RUFY3: variants seen among roughly 807,000 people sequenced by gnomAD.
RUFY3 encodes the protein RUN and FYVE domain containing 3.
Under a neutral mutation model 84.0 loss-of-function variants are expected in RUFY3, and 34 were observed. That is an observed-to-expected ratio of 0.40 (90% confidence interval 0.31 to 0.54). The LOEUF (loss-of-function observed/expected upper bound fraction) is 0.54, where lower values mean the gene tolerates loss of function less well. Ranked by LOEUF, RUFY3 falls within the 20% of genes least tolerant of loss-of-function variation. The pLI is 0.39. For missense variants in RUFY3, 507 were observed against 736.8 expected, an observed-to-expected ratio of 0.69 and a Z score of 3.61; for synonymous variants, 242 against 252.9, an observed-to-expected ratio of 0.96 and a Z score of 0.41.
chr4:70,704,963 C>A, exon 1 of RUFY3: 1 of 1,227,636 alleles, frequency 8.1e-7, no homozygotes, highest in Non-Finnish European at 1.0e-6. Flanking sequence ...CGCCGCCCAC[C>A]GCTGGTGCCG....
intron 4 of RUFY3, among the ~76,000 whole-genome samples, chr4:70,765,273 G>A (rs950392776): frequency 6.6e-6 from 1 of 150,816 alleles, no homozygotes; most frequent in African/African-American, 2.4e-5. Flanking sequence ...ACAACTGGGA[G>A]AGGCAAAACA....
At chr4:70,773,871 G>A (rs1727395646) in intron 6 of RUFY3, among the ~76,000 whole-genome samples, 1 of 152,068 alleles carries the variant, frequency 6.6e-6, no homozygotes, top group African/African-American at 2.4e-5. Flanking sequence ...TTAAAAACAT[G>A]GTCATTTTGA....
chr4:70,725,643 T>C (rs1293929600), intron 1 of RUFY3, among the ~76,000 whole-genome samples: 1 of 152,192 alleles, frequency 6.6e-6, no homozygotes, highest in Non-Finnish European at 1.5e-5. Flanking sequence ...TATACTCTTA[T>C]TTTCAAAAGC....
At chr4:70,805,601 G>T (rs73827009) in intron 17 of RUFY3, among the ~76,000 whole-genome samples, 4,101 of 152,220 alleles carry the variant, frequency 0.027, 82 homozygotes, top group Middle Eastern at 0.054. Context: ...CACAGAATCA[G>T]ATAACAAATG....
chr4:70,716,198 T>C (rs1440231088), intron 1 of RUFY3, among the ~76,000 whole-genome samples: 1 of 151,618 alleles, frequency 6.6e-6, no homozygotes, highest in South Asian at 2.1e-4. Flanking sequence ...CAGGCTGGAG[T>C]GTGGTGGCAT....
chr4:70,801,735 C>G (rs1732254748), intron 15 of RUFY3, among the ~76,000 whole-genome samples: 1 of 152,162 alleles, frequency 6.6e-6, no homozygotes, highest in Admixed American at 6.5e-5. Context: ...CCCTTTCTGG[C>G]CTTGCTCCCA....
rs1220448105 is a variant in RUFY3 at position 70,806,660 on chromosome 4, G to A, written c.*1G>A. ...GCAATATTCTACCAGCCCATCATAA[G>A]ACTGGAGGCCAAGACCTGGACCAAA... is the stretch of plus-strand genomic sequence containing the variant. On this transcript the variant is annotated 3_prime_UTR_variant, in exon 18 of 18. Transcript: ENST00000381006. 6.2e-7 allele frequency: 1 copy of A among 1,614,022 alleles called. No homozygotes were observed.
chr4:70,752,087 T>G (rs1006123907), intron 1 of RUFY3, among the ~76,000 whole-genome samples: 6 of 152,232 alleles, frequency 3.9e-5, no homozygotes, highest in Admixed American at 2.6e-4. Flanking sequence ...AGCCTGATCT[T>G]TTAAAATTTC....
At chr4:70,793,252 C>G (rs1731088080) in intron 12 of RUFY3, 1 of 987,702 alleles carries the variant, frequency 1.0e-6, no homozygotes, top group Non-Finnish European at 1.2e-6. Context: ...TAACCCAAAG[C>G]CTAGGTGAGG....
chr4:70,761,594 A>G (rs775320396), intron 1 of RUFY3, among the ~76,000 whole-genome samples: 2 of 152,206 alleles, frequency 1.3e-5, no homozygotes, highest in Non-Finnish European at 2.9e-5. Context: ...GATGGAGATC[A>G]TAATTGTAAG....
chr4:70,719,030 T>A (rs527877974), upstream of RUFY3, among the ~76,000 whole-genome samples: 732 of 152,376 alleles, frequency 4.8e-3, 4 homozygotes, highest in Non-Finnish European at 6.1e-3. Flanking sequence ...ATTGTTTTTA[T>A]AAGTTTCTAC....
At chr4:70,739,866 C>A (rs1347790979) in intron 1 of RUFY3, among the ~76,000 whole-genome samples, 1 of 150,598 alleles carries the variant, frequency 6.6e-6, no homozygotes, top group African/African-American at 2.4e-5. Flanking sequence ...TGGGGGACGC[C>A]TATAATCCCA....
At chr4:70,730,465 G>A (rs1482439418) in intron 1 of RUFY3, among the ~76,000 whole-genome samples, 2 of 151,686 alleles carry the variant, frequency 1.3e-5, no homozygotes, top group Admixed American at 6.6e-5. Context: ...TTGGCCAGGC[G>A]CGGTGGCTCA....
upstream of RUFY3, among the ~76,000 whole-genome samples, chr4:70,718,967 AGCC>A (rs1301187487): frequency 1.3e-5 from 2 of 152,214 alleles, no homozygotes; most frequent in Non-Finnish European, 2.9e-5. Flanking sequence ...CGCCTGCCTC[AGCC>A]TCCCACAGTA....
intron 10 of RUFY3, among the ~76,000 whole-genome samples, chr4:70,788,381 T>C (rs1439008914): frequency 1.3e-5 from 2 of 152,082 alleles, no homozygotes; most frequent in Non-Finnish European, 2.9e-5. Flanking sequence ...TCCTCTGGGT[T>C]CCCTGGGCTC....
At chr4:70,785,945 T>TA (rs1729724341) in intron 10 of RUFY3, among the ~76,000 whole-genome samples, 1 of 152,210 alleles carries the variant, frequency 6.6e-6, no homozygotes. Flanking sequence ...AGAGAATCTG[T>TA]ACTCCTATGT....
intron 17 of RUFY3, 124 bp from the exon 18 acceptor site, chr4:70,806,392 A>G (rs926967535): frequency 2.2e-5 from 24 of 1,095,494 alleles, no homozygotes; most frequent in African/African-American, 1.7e-4. Flanking sequence ...TACCTGGCAC[A>G]TAGTAAACAT....
chr4:70,750,955 C>T (rs1335923475), intron 1 of RUFY3, among the ~76,000 whole-genome samples: 1 of 152,124 alleles, frequency 6.6e-6, no homozygotes, highest in East Asian at 1.9e-4. Context: ...ATTGTATGGG[C>T]ATATCATATT....
chr4:70,790,543 A>G (rs1416716182), intron 12 of RUFY3, among the ~76,000 whole-genome samples: 2 of 152,180 alleles, frequency 1.3e-5, no homozygotes, highest in Admixed American at 6.5e-5. Context: ...CCACCTCCCC[A>G]GAGTTTCCTC....
Sources: allele counts gnomAD v4.1 joint callset (sites outside exome capture counted in the v4.1 genomes callset), GRCh38; gene constraint gnomAD v4.1.1; transcripts MANE v1.5; gene names NCBI Gene and HGNC (gene_info 2026-07-23, HGNC 2026-07-21).